Variants in SHLD1 observed in about 807,000 individuals in gnomAD.
SHLD1 encodes the protein RINN1-REV7-interacting novel NHEJ regulator 3.
Under a neutral mutation model 5.5 loss-of-function variants are expected in SHLD1, and 3 were observed. The ratio of observed to expected loss-of-function variants is 0.54; its 90% confidence interval spans 0.25 to 1.40. SHLD1 has a LOEUF of 1.40. Among genes scored for constraint, SHLD1 ranks in the 40% most tolerant of loss-of-function variants. SHLD1 has a pLI of 0.15. For missense variants in SHLD1, 210 were observed against 244.4 expected (o/e 0.86, Z 0.94); for synonymous variants, 92 against 94.3 (o/e 0.98, Z 0.14).
intron 2 of SHLD1, chr20:5,773,527 A>G (rs62203876): frequency 0.1 from 20,553 of 199,172 alleles, 1,315 homozygotes; most frequent in Admixed American, 0.16. Context: ...AACATCTATT[A>G]TTTAAACTAA....
chr20:5,781,204 A>G (rs2086985326), intron 2 of SHLD1, among the ~76,000 whole-genome samples: 1 of 152,076 alleles, frequency 6.6e-6, no homozygotes, highest in African/African-American at 2.4e-5. Context: ...AGCCCTTCCT[A>G]GTGAGATATG....
chr20:5,793,778 C>T (rs1012077999), intron 2 of SHLD1, among the ~76,000 whole-genome samples: 5 of 152,014 alleles, frequency 3.3e-5, no homozygotes, highest in Admixed American at 6.6e-5. Context: ...GACACGATCT[C>T]GGCTCACTTC....
chr20:5,779,972 GTTTTTTTTTT>G (rs11381238), intron 2 of SHLD1, among the ~76,000 whole-genome samples: 3 of 81,786 alleles, frequency 3.7e-5, no homozygotes, highest in Admixed American at 3.4e-4. Context: ...TACAATTTCT[GTTTTTTTTTT>G]TTTTTTTTTT....
chr20:5,806,532 C>G lies in SHLD1; in HGVS notation c.178+33489C>G, dbSNP rs56160530. On this transcript the variant is annotated intron_variant, in intron 2 of 2. Coordinates refer to ENST00000303142, the MANE Select transcript of SHLD1 (RefSeq NM_152504.4). The surrounding 1 kb of genome is among the most constrained non-coding windows in gnomAD (Gnocchi z 7.6). ...GGCATGCAGTTTTGATAAACTACCT[C>G]CCAAGTTCTGAAGGAATTAGGCTTA... 1.3e-5 allele frequency among the ~76,000 whole-genome samples: 2 copies of G among 152,286 alleles called. No homozygotes were observed. Among genetic ancestry groups the G allele is most frequent in the Non-Finnish European group, 2.9e-5 (2 of 68,024 alleles).
chr20:5,845,030 T>C (rs1041739080), intron 2 of SHLD1, among the ~76,000 whole-genome samples: 2 of 151,792 alleles, frequency 1.3e-5, no homozygotes, highest in African/African-American at 4.8e-5. Context: ...ACTCCTGACC[T>C]CAGGTGATCC....
chr20:5,839,294 C>A (rs1359487747), intron 2 of SHLD1, among the ~76,000 whole-genome samples: 4 of 152,228 alleles, frequency 2.6e-5, no homozygotes, highest in Admixed American at 6.5e-5. Context: ...CTGACACATT[C>A]TCCTTTGTGG....
intron 2 of SHLD1, among the ~76,000 whole-genome samples, chr20:5,821,028 G>A (rs1037379643): frequency 6.6e-6 from 1 of 152,218 alleles, no homozygotes; most frequent in Non-Finnish European, 1.5e-5. Flanking sequence ...TCCACGGTTT[G>A]CTTAAGTATT....
chr20:5,771,589 A>G (rs945980924), intron 1 of SHLD1, among the ~76,000 whole-genome samples: 19 of 149,884 alleles, frequency 1.3e-4, no homozygotes, highest in Non-Finnish European at 1.0e-4. Context: ...TTAACTAAGC[A>G]CTTATGTACT....
At chr20:5,794,043 T>TAA (rs11480793) in intron 2 of SHLD1, among the ~76,000 whole-genome samples, 10 of 149,186 alleles carry the variant, frequency 6.7e-5, no homozygotes, top group South Asian at 2.1e-4. Flanking sequence ...TCCCCTCACT[T>TAA]AAAAAAAAAA....
At chr20:5,840,903 G>A (rs547870903) in intron 2 of SHLD1, among the ~76,000 whole-genome samples, 110 of 134,814 alleles carry the variant, frequency 8.2e-4, no homozygotes, top group African/African-American at 3.5e-3. Context: ...ACATTATCTG[G>A]ATTGCTATTT....
chr20:5,821,373 C>T (rs1363030618), intron 2 of SHLD1, among the ~76,000 whole-genome samples: 2 of 151,992 alleles, frequency 1.3e-5, no homozygotes, highest in Non-Finnish European at 2.9e-5. Context: ...ATCAGCCGGG[C>T]GTGGTGGTGT....
chr20:5,752,012 A>G (rs187710233), intron 1 of SHLD1, among the ~76,000 whole-genome samples: 2 of 152,284 alleles, frequency 1.3e-5, no homozygotes, highest in East Asian at 3.9e-4. Flanking sequence ...GAATGCTTGA[A>G]CTAAGATAAG....
intron 2 of SHLD1, among the ~76,000 whole-genome samples, chr20:5,860,876 TA>T (rs10555301): frequency 3.8e-4 from 38 of 100,764 alleles, no homozygotes; most frequent in South Asian, 8.1e-4. Flanking sequence ...TACTATTCTT[TA>T]AAAAAAAAAA....
At chr20:5,800,199 G>A (rs1321250231) in intron 2 of SHLD1, among the ~76,000 whole-genome samples, 1 of 152,226 alleles carries the variant, frequency 6.6e-6, no homozygotes, top group Non-Finnish European at 1.5e-5. Context: ...CATGTCAATA[G>A]TTTCAAGGCT....
intron 2 of SHLD1, among the ~76,000 whole-genome samples, chr20:5,830,408 G>A (rs772868170): frequency 8.5e-5 from 13 of 152,232 alleles, no homozygotes; most frequent in Admixed American, 1.3e-4. Context: ...GGCCAGATGC[G>A]GTGGCTCACG....
chr20:5,788,832 G>C (rs1427653213), intron 2 of SHLD1, among the ~76,000 whole-genome samples: 2 of 152,186 alleles, frequency 1.3e-5, no homozygotes, highest in Admixed American at 6.5e-5. Flanking sequence ...CACATGAATA[G>C]TGATGTCTAA....
chr20:5,837,957 T>C (rs909851686), intron 2 of SHLD1, among the ~76,000 whole-genome samples: 15 of 152,232 alleles, frequency 9.9e-5, no homozygotes, highest in Admixed American at 9.8e-4. Context: ...GGATCAGCTG[T>C]AGTTACAAAA....
chr20:5,830,637 G>A (rs888458516), intron 2 of SHLD1, among the ~76,000 whole-genome samples: 28 of 151,050 alleles, frequency 1.9e-4, no homozygotes, highest in African/African-American at 5.6e-4. Flanking sequence ...GCAGTGAGCC[G>A]AGATTGCGCC....
chr20:5,826,445 C>CAA (rs77355613), intron 2 of SHLD1, among the ~76,000 whole-genome samples: 202 of 122,472 alleles, frequency 1.6e-3, no homozygotes, highest in African/African-American at 5.8e-3. Flanking sequence ...TATGCACTGT[C>CAA]AAAAAAAAAA....
Sources: allele counts gnomAD v4.1 joint callset (sites outside exome capture counted in the v4.1 genomes callset), GRCh38; gene constraint gnomAD v4.1.1; non-coding constraint Gnocchi (gnomAD v3.1); transcripts MANE v1.5; gene names NCBI Gene and HGNC (gene_info 2026-07-23, HGNC 2026-07-21).